The following NEB variants were observed in gnomAD, a reference collection of about 807,000 sequenced individuals.
NEB encodes the protein nemaline myopathy type 2.
A neutral mutation model predicts 952.2 loss-of-function variants in NEB; 512 were observed. That is an observed-to-expected ratio of 0.54 (90% CI 0.50 to 0.58). NEB has a LOEUF of 0.58. Among genes scored for constraint, NEB ranks in the 20% least tolerant of loss-of-function variants. The probability of loss-of-function intolerance (pLI) is 0.00; values close to 1 mark genes in which losing one functional copy is unlikely to be tolerated. For synonymous variants in NEB, 2,900 were observed against 3,149.8 expected, an observed-to-expected ratio of 0.92 and a Z score of 2.66; for missense variants, 8,428 against 9,231.1, an observed-to-expected ratio of 0.91 and a Z score of 3.56.
chr2:151,510,857 A>G (rs1013712014), intron 161 of NEB, among the ~76,000 whole-genome samples: 1 of 152,234 alleles, frequency 6.6e-6, no homozygotes, highest in Non-Finnish European at 1.5e-5. Context: ...GTCAGCTTAC[A>G]TTGCTTGTAT....
chr2:151,724,269 C>A lies in NEB; in HGVS notation c.603G>T (p.Met201Ile). ...TGGAGCAGACCCTTACCTTGCTGAA[C>A]ATGGCGGTGTTCTTAACGGCCTGGA... Reference protein sequence around the residue: ...ELVQAVKNTAMFSKKLYTEDW... With the variant: ...ELVQAVKNTAIFSKKLYTEDW... Residue 201 changes from methionine to isoleucine, a missense_variant, in exon 8 of 182, where the codon ATG becomes ATT. Around this residue, in one of 11 missense-constraint regions of NEB, gnomAD observed 2,851 missense variants for 2,791.5 expected, o/e 1.02. Coordinates refer to ENST00000397345, the MANE Select transcript of NEB (RefSeq NM_001164508.2). 6.2e-7 allele frequency: 1 copy of A among 1,612,434 alleles called. No homozygotes were observed. The highest frequency in any genetic ancestry group is 1.1e-5 in the South Asian group (1 of 90,636).
intron 130 of NEB, 138 bp downstream of exon 130, chr2:151,549,498 C>G: frequency 1.5e-6 from 1 of 670,178 alleles, no homozygotes; most frequent in East Asian, 2.7e-5. Flanking sequence ...AATATGCTGT[C>G]TCTCCTCTCC....
chr2:151,498,029 C>T, intron 170 of NEB: 1 of 1,440,056 alleles, frequency 6.9e-7, no homozygotes, highest in East Asian at 2.5e-5. Context: ...TGTTGTTATC[C>T]ACACAAATGG....
intron 10 of NEB, among the ~76,000 whole-genome samples, chr2:151,717,035 C>G (rs116173761): frequency 1.3e-5 from 2 of 152,166 alleles, no homozygotes; most frequent in African/African-American, 4.8e-5. Context: ...CCAAGTGTGA[C>G]GGATAAGATA....
chr2:151,510,249 T>A (rs1327798179), intron 161 of NEB, among the ~76,000 whole-genome samples: 2 of 152,202 alleles, frequency 1.3e-5, no homozygotes, highest in African/African-American at 4.8e-5. Flanking sequence ...GAGTTTTTTT[T>A]AGACCCACAG....
At chr2:151,544,007 C>A (rs2094417706) in intron 135 of NEB, among the ~76,000 whole-genome samples, 1 of 152,166 alleles carries the variant, frequency 6.6e-6, no homozygotes, top group Non-Finnish European at 1.5e-5. Flanking sequence ...CTGATATTAA[C>A]CCTCCCCCGC....
At chr2:151,668,991 C>T (rs765556959) in intron 39 of NEB, 36 bp downstream of exon 39, 6 of 1,430,232 alleles carry the variant, frequency 4.2e-6, no homozygotes, top group Non-Finnish European at 4.8e-6. Flanking sequence ...AGGAGAGGCC[C>T]GCATACGCAA....
intron 4 of NEB, among the ~76,000 whole-genome samples, chr2:151,728,114 G>A (rs112125369): frequency 6.6e-6 from 1 of 152,170 alleles, no homozygotes; most frequent in African/African-American, 2.4e-5. Context: ...TGTTGGGATT[G>A]CGTGGAATAA....
chr2:151,640,536 T>C lies in NEB; in HGVS notation c.8504A>G (p.Asp2835Gly), dbSNP rs751159312. The change falls in exon 61 of 182, where the codon GAC becomes GGC. Residue 2835 changes from aspartate (D) to glycine (G), a missense_variant. This residue lies in a region of NEB where 1,772 missense variants were observed against 1,960.3 expected (regional missense o/e 0.90). Coordinates refer to ENST00000397345, the MANE Select transcript of NEB (RefSeq NM_001164508.2). The stretch of plus-strand genomic sequence containing the variant: ...GAACTTGGTCTTCCACTTCTCAAAG[T>C]CCTTCTTGTACTCCCTGTCACTCTG... Reference protein sequence around the residue: ...KIQSDREYKKDFEKWKTKFSS... With the variant: ...KIQSDREYKKGFEKWKTKFSS... 2.5e-6 allele frequency: 4 copies of C among 1,613,922 alleles called. No individual in the cohort carries two copies. The Admixed American group carries it at 6.7e-5, about 27-fold the overall frequency.
chr2:151,717,268 T>C, intron 10 of NEB, 148 bp downstream of exon 10: 3 of 667,040 alleles, frequency 4.5e-6, no homozygotes, highest in Non-Finnish European at 5.4e-6. Context: ...TGTATTGCTT[T>C]TGCTGTAGAG....
chr2:151,544,848 A>G (rs963316710), intron 135 of NEB, among the ~76,000 whole-genome samples: 1 of 152,248 alleles, frequency 6.6e-6, no homozygotes, highest in Non-Finnish European at 1.5e-5. Context: ...GTGAAGCCAC[A>G]ATACAGAATG....
chr2:151,496,555 C>T (rs1392897604), intron 172 of NEB, among the ~76,000 whole-genome samples, 187 bp from the exon 173 acceptor site: 1 of 152,176 alleles, frequency 6.6e-6, no homozygotes, highest in Non-Finnish European at 1.5e-5. Flanking sequence ...AATCTGCACC[C>T]TCTAGAGAAG....
At chr2:151,614,663 GTTTC>G (rs2098132004) in intron 76 of NEB, 76 bp from the exon 77 acceptor site, 1 of 1,451,426 alleles carries the variant, frequency 6.9e-7, no homozygotes, top group Non-Finnish European at 9.4e-7. Flanking sequence ...CATTCACATT[GTTTC>G]TTTTTCTTTT....
chr2:151,692,176 A>G lies in NEB; in HGVS notation c.1999-10T>C, dbSNP rs2099556454. The G allele has an allele frequency of 1.2e-6, 2 of 1,611,622 alleles. No homozygotes were observed. Among genetic ancestry groups the G allele is most frequent in the African/African-American group, 2.7e-5 (2 of 74,878 alleles). On this transcript the variant is annotated splice_polypyrimidine_tract_variant and intron_variant, in intron 21 of 181. Transcript: ENST00000397345. ...AGTCTTTATATCTAGCCTGAAAAAT[A>G]AAACAAATGTAATTCAAGTTAACAA...
chr2:151,553,570 G>C lies in NEB; in HGVS notation c.19627-68C>G, dbSNP rs569888682. On this transcript the variant is annotated intron_variant, in intron 126 of 181. Coordinates refer to ENST00000397345, the MANE Select transcript of NEB (RefSeq NM_001164508.2). ...CATAATAACTTTAACACTAAAAACA[G>C]AGGTACATTCTAGACTCAGAAGGCT... 3,060 of 1,143,558 alleles carry C rather than the reference G, an allele frequency of 2.7e-3. 5 individuals are homozygous for C. Among genetic ancestry groups the C allele is most frequent in the Non-Finnish European group, 3.4e-3 (2,636 of 768,726 alleles). The allele number at this position is 1,143,558 out of a possible 1,614,324, so 70.8% of individuals were successfully genotyped here.
chr2:151,730,495 G>C (rs1322386316), intron 3 of NEB, among the ~76,000 whole-genome samples: 1 of 151,776 alleles, frequency 6.6e-6, no homozygotes, highest in Non-Finnish European at 1.5e-5. Context: ...AGATGTGTAA[G>C]GAGAGAGGAA....
chr2:151,530,880 C>T, intron 145 of NEB, 114 bp downstream of exon 145: 1 of 657,420 alleles, frequency 1.5e-6, no homozygotes, highest in East Asian at 2.8e-5. Flanking sequence ...TATTTTAAGC[C>T]ACTAAGTTTT....
chr2:151,622,226 A>T (rs919140161), intron 71 of NEB, among the ~76,000 whole-genome samples: 1 of 152,018 alleles, frequency 6.6e-6, no homozygotes, highest in East Asian at 1.9e-4. Context: ...AACTCAAGTG[A>T]TCCCTCCTGC....
intron 92 of NEB, among the ~76,000 whole-genome samples, chr2:151,595,287 G>A (rs1442458530): frequency 6.8e-6 from 1 of 147,510 alleles, no homozygotes; most frequent in Non-Finnish European, 1.5e-5. Context: ...TTTCAGTCTT[G>A]TTGCCCAGGC....
Sources: gnomAD v4.1 joint callset for allele counts (sites outside exome capture counted in the v4.1 genomes callset) on GRCh38, gnomAD v4.1.1 for gene constraint, gnomAD v4.1.1 regional missense constraint, MANE v1.5 for transcripts, NCBI Gene and HGNC (gene_info 2026-07-23, HGNC 2026-07-21) for gene names.